Variants in PTPRR observed in about 807,000 individuals in gnomAD.
PTPRR encodes the protein receptor-type tyrosine-protein phosphatase R.
PTPRR carries 38 observed loss-of-function variants against 77.2 expected under a neutral mutation model. The observed-to-expected ratio is 0.49, with a 90% confidence interval of 0.38 to 0.65. The LOEUF (loss-of-function observed/expected upper bound fraction) is 0.65, where lower values mean the gene tolerates loss of function less well. Ranked by LOEUF, PTPRR falls within the 30% of genes least tolerant of loss-of-function variation. The pLI is 0.00. For missense variants in PTPRR, 744 were observed against 799.2 expected (o/e 0.93, Z 0.83); for synonymous variants, 299 against 283.1 (o/e 1.06, Z -0.57).
intron 1 of PTPRR, among the ~76,000 whole-genome samples, chr12:70,904,376 TA>T (rs148825501): frequency 6.6e-6 from 1 of 151,518 alleles, no homozygotes; most frequent in Admixed American, 6.6e-5. Flanking sequence ...CACTCATCAG[TA>T]AAAAAAAGTG....
At chr12:70,674,044 T>G (rs991768591) in intron 10 of PTPRR, among the ~76,000 whole-genome samples, 1 of 152,062 alleles carries the variant, frequency 6.6e-6, no homozygotes, top group Non-Finnish European at 1.5e-5. Flanking sequence ...AGGGATCCTT[T>G]TGCCTCAGCC....
At chr12:70,775,067 T>C (rs1891060568) in intron 2 of PTPRR, among the ~76,000 whole-genome samples, 1 of 152,234 alleles carries the variant, frequency 6.6e-6, no homozygotes, top group Admixed American at 6.5e-5. Context: ...AACATTTTAA[T>C]TTCAAAGAGA....
intron 2 of PTPRR, among the ~76,000 whole-genome samples, chr12:70,823,997 G>T (rs1022723530): frequency 8.5e-5 from 13 of 152,160 alleles, no homozygotes; most frequent in Non-Finnish European, 1.8e-4. Context: ...ATGAGTCAGG[G>T]TTCTTCTCAG....
At chr12:70,821,864 C>T (rs769067003) in intron 2 of PTPRR, among the ~76,000 whole-genome samples, 2 of 151,978 alleles carry the variant, frequency 1.3e-5, no homozygotes, top group Non-Finnish European at 2.9e-5. Flanking sequence ...TGGTGTTTCA[C>T]TGTGTTAGCC....
chr12:70,761,318 T>C (rs1406565878), intron 4 of PTPRR, among the ~76,000 whole-genome samples, 153 bp downstream of exon 4: 2 of 152,196 alleles, frequency 1.3e-5, no homozygotes, highest in Non-Finnish European at 2.9e-5. Flanking sequence ...ACATATACAA[T>C]GTAAAGATCA....
At chr12:70,683,766 T>G (rs1465399856) in intron 10 of PTPRR, among the ~76,000 whole-genome samples, 1 of 152,218 alleles carries the variant, frequency 6.6e-6, no homozygotes, top group Admixed American at 6.5e-5. Flanking sequence ...TTGTTTACTA[T>G]TGTATCCCCA....
chr12:70,669,519 A>AT (rs397953527), intron 10 of PTPRR, among the ~76,000 whole-genome samples: 8 of 149,262 alleles, frequency 5.4e-5, no homozygotes, highest in African/African-American at 2.0e-4. Flanking sequence ...ATATATATAT[A>AT]AGCTATATAT....
intron 2 of PTPRR, among the ~76,000 whole-genome samples, chr12:70,791,856 A>G (rs1891426507): frequency 6.6e-6 from 1 of 152,230 alleles, no homozygotes; most frequent in African/African-American, 2.4e-5. Context: ...TTTAAAATAC[A>G]AAATTACCAT....
At chr12:70,716,603 C>T (rs1217039662) in intron 6 of PTPRR, among the ~76,000 whole-genome samples, 2 of 152,136 alleles carry the variant, frequency 1.3e-5, no homozygotes, top group South Asian at 2.1e-4. Context: ...TTTTTTCAGC[C>T]ACTTTGGATA....
chr12:70,778,725 A>G (rs993334612), intron 2 of PTPRR, among the ~76,000 whole-genome samples: 1 of 152,016 alleles, frequency 6.6e-6, no homozygotes, highest in African/African-American at 2.4e-5. Flanking sequence ...TTCACTTCTG[A>G]ATTCTGTCAA....
intron 2 of PTPRR, among the ~76,000 whole-genome samples, chr12:70,794,084 A>G (rs1891467574): frequency 6.6e-6 from 1 of 152,212 alleles, no homozygotes; most frequent in Non-Finnish European, 1.5e-5. Context: ...GAGGGAGAAG[A>G]TGGTAGCTAG....
intron 2 of PTPRR, among the ~76,000 whole-genome samples, chr12:70,877,475 T>C (rs551157990): frequency 6.6e-6 from 1 of 152,258 alleles, no homozygotes; most frequent in African/African-American, 2.4e-5. Flanking sequence ...GGTATCCAGG[T>C]CAGGTATTAC....
At chr12:70,747,208 TA>T (rs1197499301) in intron 5 of PTPRR, among the ~76,000 whole-genome samples, 1 of 152,184 alleles carries the variant, frequency 6.6e-6, no homozygotes, top group African/African-American at 2.4e-5. Context: ...CTTCACGGTG[TA>T]AAAACAAAAC....
At chr12:70,860,153 T>C (rs1406821400) in intron 2 of PTPRR, among the ~76,000 whole-genome samples, 1 of 152,124 alleles carries the variant, frequency 6.6e-6, no homozygotes, top group Admixed American at 6.6e-5. Context: ...GATACATCTC[T>C]TTTGGATTCC....
chr12:70,706,414 TG>T (rs2136798695), intron 6 of PTPRR, among the ~76,000 whole-genome samples: 1 of 152,190 alleles, frequency 6.6e-6, no homozygotes, highest in South Asian at 2.1e-4. Context: ...AAGGAAATCC[TG>T]AAGGGAAGAA....
intron 2 of PTPRR, among the ~76,000 whole-genome samples, chr12:70,800,229 C>T (rs1372509861): frequency 6.6e-6 from 1 of 151,950 alleles, no homozygotes; most frequent in African/African-American, 2.4e-5. Flanking sequence ...TAAACCCTTT[C>T]CCCCCTACCC....
chr12:70,663,047 CA>C (rs1340189986), intron 10 of PTPRR, among the ~76,000 whole-genome samples: 1 of 152,134 alleles, frequency 6.6e-6, no homozygotes, highest in Non-Finnish European at 1.5e-5. Flanking sequence ...TTTCCTGCTT[CA>C]ACAAACTTAT....
chr12:70,880,948 G>A (rs558914474), intron 2 of PTPRR, among the ~76,000 whole-genome samples: 1 of 152,146 alleles, frequency 6.6e-6, no homozygotes, highest in South Asian at 2.1e-4. Flanking sequence ...TTAACATATA[G>A]ATGACATCAT....
chr12:70,662,942 A>T (rs1886850105), intron 10 of PTPRR, among the ~76,000 whole-genome samples: 1 of 152,158 alleles, frequency 6.6e-6, no homozygotes, highest in African/African-American at 2.4e-5. Context: ...TAAGAAATTT[A>T]AGAGTTAAGA....
Sources: allele counts gnomAD v4.1 joint callset (sites outside exome capture counted in the v4.1 genomes callset), GRCh38; gene constraint gnomAD v4.1.1; transcripts MANE v1.5; gene names NCBI Gene and HGNC (gene_info 2026-07-23, HGNC 2026-07-21).